The following TMEM38B variants were observed in gnomAD, a reference collection of about 807,000 sequenced individuals.
The protein encoded by TMEM38B is transmembrane protein 38B.
In TMEM38B, 24 loss-of-function variants were observed where a neutral mutation model predicts 28.7. The observed-to-expected ratio is 0.84, with a 90% CI of 0.61 to 1.18. The LOEUF (loss-of-function observed/expected upper bound fraction) is 1.18. Among genes scored for constraint, TMEM38B ranks in the 50% most tolerant of loss-of-function variants. TMEM38B has a pLI of 0.00. For missense variants in TMEM38B, 380 were observed against 350.9 expected (o/e 1.08, Z -0.66); for synonymous variants, 131 against 127.7 (o/e 1.03, Z -0.17).
chr9:105,701,857 C>T (rs933043910), intron 1 of TMEM38B, among the ~76,000 whole-genome samples: 1 of 152,138 alleles, frequency 6.6e-6, no homozygotes, highest in Non-Finnish European at 1.5e-5. Context: ...TCTAATTACT[C>T]ATTAAGGAAC....
At chr9:105,701,258 A>G (rs1398859561) in intron 1 of TMEM38B, 1 of 152,164 alleles carries the variant, frequency 6.6e-6, no homozygotes. Flanking sequence ...TCTGGTTTGC[A>G]TATATCTTAT....
intron 5 of TMEM38B, among the ~76,000 whole-genome samples, chr9:105,765,512 C>T (rs1465586297): frequency 6.6e-6 from 1 of 152,200 alleles, no homozygotes; most frequent in Admixed American, 6.5e-5. Context: ...ATCCCAGCCA[C>T]TACCCATAGC....
chr9:105,760,196 T>G, intron 5 of TMEM38B: 1 of 906,594 alleles, frequency 1.1e-6, no homozygotes, highest in Non-Finnish European at 1.9e-6. Context: ...ATTTCCCAAA[T>G]GAGTCAAAAT....
At chr9:105,771,915 A>G (rs923107298) in intron 5 of TMEM38B, among the ~76,000 whole-genome samples, 7 of 152,184 alleles carry the variant, frequency 4.6e-5, no homozygotes, top group Admixed American at 6.6e-5. Flanking sequence ...GTCTCTGGCT[A>G]GTCTGTAAGC....
At chr9:105,710,772 A>G (rs548336613) in intron 2 of TMEM38B, 1 of 536,630 alleles carries the variant, frequency 1.9e-6, no homozygotes, top group African/African-American at 1.9e-5. Context: ...GACGGCAGGT[A>G]GCGGGACATG....
chr9:105,737,159 A>G (rs1837015482), intron 4 of TMEM38B, among the ~76,000 whole-genome samples: 1 of 151,566 alleles, frequency 6.6e-6, no homozygotes, highest in Non-Finnish European at 1.5e-5. Context: ...CTACACATTT[A>G]CTCTATGAGG....
rs564502838 is a variant in TMEM38B at position 105,731,029 on chromosome 9, T to C, written c.542+8408T>C. 1.4e-4 allele frequency among the ~76,000 whole-genome samples: 21 copies of C among 152,280 alleles called. No homozygotes were observed. The East Asian group carries it at 1.5e-3, about 11-fold the overall frequency. ...TCAAAAAACCAGCTCCTGGATTCAT[T>C]GATTTTTTGAAGGGTTTTTTGTGTC... On this transcript the variant is annotated intron_variant, in intron 4 of 5. Transcript: ENST00000374692.
intron 5 of TMEM38B, chr9:105,759,631 G>A (rs935184455): frequency 1.2e-5 from 19 of 1,584,576 alleles, no homozygotes; most frequent in South Asian, 5.6e-5. Flanking sequence ...GGCATCCAGT[G>A]TAAAGAGGCA....
At chr9:105,745,721 G>A (rs539151541) in intron 4 of TMEM38B, among the ~76,000 whole-genome samples, 27 of 152,166 alleles carry the variant, frequency 1.8e-4, no homozygotes, top group African/African-American at 5.5e-4. Flanking sequence ...ATGGTTTTAG[G>A]TCTAACATTT....
intron 1 of TMEM38B, among the ~76,000 whole-genome samples, chr9:105,696,403 C>T (rs1159020709): frequency 6.6e-6 from 1 of 152,186 alleles, no homozygotes; most frequent in Non-Finnish European, 1.5e-5. Flanking sequence ...ATTCTCCTGC[C>T]TCAGCCTCCG....
intron 5 of TMEM38B, chr9:105,759,531 A>G: frequency 1.3e-6 from 2 of 1,567,278 alleles, no homozygotes. Context: ...TAATAGGGTT[A>G]AGTGGTATGC....
intron 2 of TMEM38B, chr9:105,710,826 C>G (rs1835874096): frequency 2.6e-6 from 1 of 391,370 alleles, no homozygotes; most frequent in African/African-American, 2.1e-5. Flanking sequence ...GCCCAGCAAA[C>G]CGTCCATGGC....
At chr9:105,739,468 A>G (rs918475406) in intron 4 of TMEM38B, among the ~76,000 whole-genome samples, 5 of 152,212 alleles carry the variant, frequency 3.3e-5, no homozygotes, top group East Asian at 1.9e-4. Flanking sequence ...TTTGATAGAC[A>G]TAACATTGAC....
chr9:105,708,122 T>A (rs1835750865), intron 2 of TMEM38B, among the ~76,000 whole-genome samples: 1 of 152,154 alleles, frequency 6.6e-6, no homozygotes, highest in Admixed American at 6.5e-5. Context: ...TCGTTATTCT[T>A]CATGGAGCAG....
chr9:105,742,234 G>A (rs931458493), intron 4 of TMEM38B, among the ~76,000 whole-genome samples: 1 of 152,230 alleles, frequency 6.6e-6, no homozygotes, highest in Admixed American at 6.5e-5. Context: ...TGACTTCATG[G>A]TAGGAGCTAC....
intron 5 of TMEM38B, among the ~76,000 whole-genome samples, chr9:105,765,721 T>G (rs1826349280): frequency 6.6e-6 from 1 of 152,220 alleles, no homozygotes; most frequent in African/African-American, 2.4e-5. Flanking sequence ...CTTTTGATTA[T>G]TTGAATAAGG....
chr9:105,729,790 C>T (rs1836663245), intron 4 of TMEM38B, among the ~76,000 whole-genome samples: 1 of 151,958 alleles, frequency 6.6e-6, no homozygotes, highest in Admixed American at 6.6e-5. Context: ...TTGAAGAGGT[C>T]CTTCACATCC....
At position 105,775,029 on chromosome 9, in the gene TMEM38B, CTA is replaced by C. The variant is rs1215845852; in HGVS notation, c.*951_*952del. 6.6e-6 allele frequency: 1 copy of C among 152,004 alleles called. No individual in the cohort carries two copies. The highest frequency in any genetic ancestry group is 6.6e-5 in the Admixed American group (1 of 15,250). The allele number at this position is 152,004 out of a possible 1,614,324, so 9.4% of individuals were successfully genotyped here. Reference sequence around the variant, plus strand: ...GCATATCCGTTCAAAAATTTTTCCACTATGTCTTTTTTCTAGTGGCTACTGTT... The same window carrying C: ...GCATATCCGTTCAAAAATTTTTCCACTGTCTTTTTTCTAGTGGCTACTGTT... On this transcript the variant is annotated 3_prime_UTR_variant, in exon 6 of 6. Transcript: ENST00000374692.
intron 5 of TMEM38B, chr9:105,759,599 T>C (rs1837961418): frequency 6.4e-7 from 1 of 1,561,080 alleles, no homozygotes; most frequent in Non-Finnish European, 8.8e-7. Context: ...ATTGTAGATG[T>C]GTCAGGGAAT....
Sources: allele counts gnomAD v4.1 joint callset (sites outside exome capture counted in the v4.1 genomes callset), GRCh38; gene constraint gnomAD v4.1.1; transcripts MANE v1.5; gene names NCBI Gene and HGNC (gene_info 2026-07-23, HGNC 2026-07-21).